The following ZNF212 variants were observed in gnomAD, a reference collection of about 807,000 sequenced individuals.
ZNF212 encodes zinc finger protein 212.
ZNF212 carries 32 observed loss-of-function variants against 47.3 expected under a neutral mutation model. The observed-to-expected ratio is 0.68, with a 90% confidence interval of 0.51 to 0.91. ZNF212 has a LOEUF of 0.91. Ranked by LOEUF, ZNF212 falls within the 40% of genes least tolerant of loss-of-function variation. The pLI is 0.00. For missense variants in ZNF212, 555 were observed against 622.8 expected, an observed-to-expected ratio of 0.89 and a Z score of 1.16; for synonymous variants, 242 against 253.8, an observed-to-expected ratio of 0.95 and a Z score of 0.44.
rs137952539 is a variant in ZNF212 at position 149,249,783 on chromosome 7, A to C, written c.25-376A>C. ...CCTGGGACTACAGGCATGCATCACC[A>C]TGCCTGGCTAATTTTTTGAACTTTT... On this transcript the variant is annotated intron_variant, in intron 1 of 4. Coordinates refer to ENST00000335870, the MANE Select transcript of ZNF212 (RefSeq NM_012256.4). Among the ~76,000 whole-genome samples, 42 of 152,156 alleles carry C rather than the reference A, an allele frequency of 2.8e-4. 1 individual carries two copies. Among genetic ancestry groups the C allele is most frequent in the Middle Eastern group, 3.4e-3 (1 of 294 alleles).
chr7:149,246,887 A>ACCGCAACCT (rs1796687137), intron 1 of ZNF212, among the ~76,000 whole-genome samples: 1 of 126,942 alleles, frequency 7.9e-6, no homozygotes, highest in South Asian at 2.4e-4. Context: ...ATCTCGGTTC[A>ACCGCAACCT]CCGCAACCTC....
At chr7:149,252,322 T>G (rs1332856672) in intron 3 of ZNF212, among the ~76,000 whole-genome samples, 1 of 152,166 alleles carries the variant, frequency 6.6e-6, no homozygotes, top group Admixed American at 6.5e-5. Context: ...TCTGTCCCAG[T>G]GCCCATCTTA....
At chr7:149,249,597 T>C (rs1438298110) in intron 1 of ZNF212, among the ~76,000 whole-genome samples, 2 of 152,190 alleles carry the variant, frequency 1.3e-5, no homozygotes, top group African/African-American at 2.4e-5. Context: ...AAAAAAACTT[T>C]AGAAATACAC....
chr7:149,241,984 G>A lies in ZNF212; in HGVS notation c.24+2182G>A, dbSNP rs537523883. ...AGCCACCGTGCCTGGCCATAGTTTC[G>A]TTTCTTTTCTTTCTTTTCTTCTTTT... On this transcript the variant is annotated intron_variant, in intron 1 of 4. Coordinates refer to ENST00000335870, the MANE Select transcript of ZNF212 (RefSeq NM_012256.4). Among the ~76,000 whole-genome samples, 7 of 146,784 alleles carry A rather than the reference G, an allele frequency of 4.8e-5. No homozygotes were observed. The South Asian group carries it at 1.5e-3, about 32-fold the overall frequency.
chr7:149,249,494 A>T (rs1052117178), intron 1 of ZNF212, among the ~76,000 whole-genome samples: 18 of 152,368 alleles, frequency 1.2e-4, no homozygotes, highest in African/African-American at 4.3e-4. Context: ...CTGATACAGG[A>T]GTCTCAGAGA....
chr7:149,242,993 TAAATC>T (rs952874958), intron 1 of ZNF212, among the ~76,000 whole-genome samples: 25 of 152,018 alleles, frequency 1.6e-4, no homozygotes, highest in Admixed American at 1.5e-3. Flanking sequence ...AAGGTAAAAA[TAAATC>T]AAAGCTAATG....
intron 1 of ZNF212, among the ~76,000 whole-genome samples, chr7:149,248,091 C>T (rs948299946): frequency 9.2e-5 from 14 of 152,198 alleles, no homozygotes; most frequent in Non-Finnish European, 8.8e-5. Context: ...TGACAGCTCA[C>T]CCCTGTGGGA....
rs200602075 is a variant in ZNF212, at chr7:149,253,732, A to G, written c.805A>G (p.Thr269Ala). 11 of 1,614,016 alleles carry G rather than the reference A, an allele frequency of 6.8e-6. No homozygotes were observed. In the East Asian group the frequency reaches 2.0e-4, roughly 29 times the overall value. The stretch of plus-strand genomic sequence containing the variant: ...CTTGGAAACAGGTCCTGGGGACTCT[A>G]CTCTAGAGGAGCCTGTTGGTAGTAG... ...VLLETGPGDS[T>A]LEEPVGSRVP... Residue 269 changes from threonine to alanine, a missense_variant, in exon 5 of 5, where the codon ACT becomes GCT. Thr to Ala is a moderately conservative substitution (Grantham distance 58, BLOSUM62 0). Coordinates refer to ENST00000335870, the MANE Select transcript of ZNF212 (RefSeq NM_012256.4).
At chr7:149,252,835 C>G (rs757577132) in intron 4 of ZNF212, 40 bp downstream of exon 4, 5 of 1,596,830 alleles carry the variant, frequency 3.1e-6, no homozygotes, top group Admixed American at 3.4e-5. Flanking sequence ...TTCCATAGCC[C>G]TCTGTAGCCT....
At chr7:149,243,696 A>G (rs1452525626) in intron 1 of ZNF212, among the ~76,000 whole-genome samples, 1 of 152,218 alleles carries the variant, frequency 6.6e-6, no homozygotes, top group Non-Finnish European at 1.5e-5. Flanking sequence ...AAATATATAA[A>G]ACAAAACTGA....
rs550931547 is a variant in ZNF212, at chr7:149,252,043, G to A, written c.542-663G>A. 5.9e-5 allele frequency among the ~76,000 whole-genome samples: 9 copies of A among 152,124 alleles called. No individual in the cohort carries two copies. In the South Asian group the frequency reaches 1.2e-3, roughly 21 times the overall value. Reference sequence around the variant, plus strand: ...AAAAGCATTTTCTTGGTGTTTGGCCGGAATTATAGCTGGTCATTGTGGTCT... The same window carrying A: ...AAAAGCATTTTCTTGGTGTTTGGCCAGAATTATAGCTGGTCATTGTGGTCT... On this transcript the variant is annotated intron_variant, in intron 3 of 4. Transcript: ENST00000335870.
At chr7:149,243,846 G>GTT (rs1472024418) in intron 1 of ZNF212, among the ~76,000 whole-genome samples, 1 of 152,238 alleles carries the variant, frequency 6.6e-6, no homozygotes, top group Non-Finnish European at 1.5e-5. Context: ...GCTCTGCACT[G>GTT]TTTAATACAG....
chr7:149,253,934 G>C lies in ZNF212; in HGVS notation c.1007G>C (p.Arg336Pro), dbSNP rs181061160. 29 of 1,612,300 alleles carry C rather than the reference G, an allele frequency of 1.8e-5. No homozygotes were observed. The highest frequency in any genetic ancestry group is 1.3e-5 in the African/African-American group (1 of 75,046). ...RYKQQLATHL[R>P]SHSGWGSCTP... is the part of the protein sequence containing the mutation. ...AAGCAGCAGCTGGCCACACATCTGC[G>C]CAGCCACTCTGGGTGGGGGTCTTGT... is the stretch of plus-strand genomic sequence containing the variant. The change falls in exon 5 of 5, where the codon CGC (arginine) becomes CCC (proline). Residue 336 changes from arginine (R) to proline (P), a missense_variant. Arg to Pro is a moderately radical substitution (Grantham distance 103). Coordinates refer to ENST00000335870, the MANE Select transcript of ZNF212 (RefSeq NM_012256.4).
intron 1 of ZNF212, among the ~76,000 whole-genome samples, chr7:149,241,880 G>T (rs995118987): frequency 6.6e-6 from 1 of 152,134 alleles, no homozygotes; most frequent in South Asian, 2.1e-4. Flanking sequence ...TCTGTGTAAG[G>T]GTGAACTGAA....
chr7:149,245,337 C>T (rs1052303937), intron 1 of ZNF212, among the ~76,000 whole-genome samples: 1 of 138,390 alleles, frequency 7.2e-6, no homozygotes, highest in Non-Finnish European at 1.5e-5. Flanking sequence ...GCCTGGGCGA[C>T]AGAGCGAGAG....
chr7:149,241,386 C>G (rs1394695536), intron 1 of ZNF212, among the ~76,000 whole-genome samples: 1 of 138,216 alleles, frequency 7.2e-6, no homozygotes, highest in Non-Finnish European at 1.5e-5. Flanking sequence ...GAGCTGAGAT[C>G]GTGCTATTGC....
chr7:149,254,379 G>T lies in ZNF212; in HGVS notation c.1452G>T (p.Leu484=). Residue 484 remains leucine, a synonymous_variant, in exon 5 of 5, where the codon CTG becomes CTT. Coordinates refer to ENST00000335870, the MANE Select transcript of ZNF212 (RefSeq NM_012256.4). This position sits in a 1 kb window ranked among gnomAD's most constrained non-coding sequence, Gnocchi z 4.5. Reference sequence around the variant, plus strand: ...TCCACCAGCGGGAGCGGGGTGGGCTGGCCCTGGAGCCCGGAAGGCCCAATG... The same window carrying T: ...TCCACCAGCGGGAGCGGGGTGGGCTTGCCCTGGAGCCCGGAAGGCCCAATG... ...QKIHQRERGG[L]ALEPGRPNGL... The T allele has an allele frequency of 1.9e-6, 3 of 1,606,614 alleles. No homozygotes were observed. Among genetic ancestry groups the T allele is most frequent in the Non-Finnish European group, 2.5e-6 (3 of 1,179,792 alleles).
In ZNF212 at chr7:149,254,572, A is replaced by G. The variant is rs985527594; in HGVS notation, c.*157A>G. ...AGCCAAGCCCAAAGGCTGTCCTGAAAACCCTGTGGAAGAAGAGTCCAGGCC... is the reference window on the plus strand; with the variant it reads ...AGCCAAGCCCAAAGGCTGTCCTGAAGACCCTGTGGAAGAAGAGTCCAGGCC... On this transcript the variant is annotated 3_prime_UTR_variant, in exon 5 of 5. Transcript: ENST00000335870. The surrounding 1 kb of genome is among the most constrained non-coding windows in gnomAD (Gnocchi z 4.5). The G allele has an allele frequency of 4.2e-6, 5 of 1,183,080 alleles. No homozygotes were observed. Among genetic ancestry groups the G allele is most frequent in the African/African-American group, 3.1e-5 (2 of 64,852 alleles). 73.3% of individuals were successfully genotyped at this position (1,183,080 alleles called of 1,614,324 possible).
chr7:149,249,139 G>A (rs1796717719), intron 1 of ZNF212, among the ~76,000 whole-genome samples: 6 of 152,206 alleles, frequency 3.9e-5, no homozygotes, highest in Admixed American at 3.9e-4. Flanking sequence ...GTTGGTTTCA[G>A]TAATTTTAGC....
Sources: gnomAD v4.1 joint callset for allele counts (sites outside exome capture counted in the v4.1 genomes callset) on GRCh38, gnomAD v4.1.1 for gene constraint, Gnocchi (gnomAD v3.1) non-coding constraint, MANE v1.5 for transcripts, NCBI Gene and HGNC (gene_info 2026-07-23, HGNC 2026-07-21) for gene names.